Variants in PRKAA1 observed in about 807,000 individuals in gnomAD.
PRKAA1 encodes the protein protein kinase AMP-activated catalytic subunit alpha 1, also known as 5'-AMP-activated protein kinase catalytic subunit alpha-1.
PRKAA1 carries 23 observed loss-of-function variants against 56.9 expected under a neutral mutation model. That is an observed-to-expected ratio of 0.40 (90% CI 0.29 to 0.57). PRKAA1 has a LOEUF of 0.57. Ranked by LOEUF, PRKAA1 falls within the 20% of genes least tolerant of loss-of-function variation. The pLI is 0.39. For missense variants in PRKAA1, 413 were observed against 679.7 expected, an observed-to-expected ratio of 0.61 and a Z score of 4.36; for synonymous variants, 226 against 227.0, an observed-to-expected ratio of 1.00 and a Z score of 0.04.
intron 3 of PRKAA1, among the ~76,000 whole-genome samples, chr5:40,774,279 A>AG (rs1215660102): frequency 2.6e-5 from 4 of 152,258 alleles, no homozygotes; most frequent in Non-Finnish European, 5.9e-5. Flanking sequence ...CAGAAGGTAC[A>AG]GAACAAGACG....
rs1743334731 is a variant in PRKAA1 at position 40,764,575 on chromosome 5, C to G, written c.1374G>C (p.Met458Ile). 3.1e-6 allele frequency: 5 copies of G among 1,613,436 alleles called. No homozygotes were observed. The South Asian group carries it at 4.4e-5, about 14-fold the overall frequency. The change falls in exon 8 of 9, where the codon ATG becomes ATC. Residue 458 changes from methionine to isoleucine, a missense_variant. This residue lies in a region of PRKAA1 where 139 missense variants were observed against 171.5 expected (regional missense o/e 0.81). Coordinates refer to ENST00000397128, the MANE Select transcript of PRKAA1 (RefSeq NM_006251.6). Reference protein sequence around the residue: ...KNPVTSTYSKMSLQLYQVDSR... With the variant: ...KNPVTSTYSKISLQLYQVDSR... ...TATCCACTTGGTATAACTGTAGACT[C>G]ATTTTGGAGTAAGTGCTTGTCACAG...
At chr5:40,788,929 G>T (rs143016813) in intron 1 of PRKAA1, among the ~76,000 whole-genome samples, 369 of 152,172 alleles carry the variant, frequency 2.4e-3, no homozygotes, top group African/African-American at 8.6e-3. Context: ...GCTAATATCC[G>T]GCCAGGCATG....
intron 1 of PRKAA1, among the ~76,000 whole-genome samples, chr5:40,782,394 T>TC (rs1744298094): frequency 6.6e-6 from 1 of 152,190 alleles, no homozygotes; most frequent in Non-Finnish European, 1.5e-5. Context: ...TTAATGCTGC[T>TC]GGGGAAAACA....
intron 1 of PRKAA1, among the ~76,000 whole-genome samples, chr5:40,786,860 G>C (rs1163911311): frequency 6.7e-6 from 1 of 149,470 alleles, no homozygotes; most frequent in Non-Finnish European, 1.5e-5. Context: ...TTGGGAGGCT[G>C]AGTGGAAGGA....
chr5:40,787,234 A>C (rs773732978), intron 1 of PRKAA1, among the ~76,000 whole-genome samples: 4 of 152,034 alleles, frequency 2.6e-5, no homozygotes, highest in Non-Finnish European at 5.9e-5. Context: ...GGGAGGCCGA[A>C]GCGGGCATAT....
chr5:40,765,338 T>C, intron 6 of PRKAA1, 100 bp from the exon 7 acceptor site: 2 of 1,327,902 alleles, frequency 1.5e-6, no homozygotes, highest in Non-Finnish European at 2.0e-6. Flanking sequence ...TTTATATTTA[T>C]ATTCATACTG....
At chr5:40,795,532 A>G (rs150388014) in intron 1 of PRKAA1, among the ~76,000 whole-genome samples, 1 of 152,316 alleles carries the variant, frequency 6.6e-6, no homozygotes, top group East Asian at 1.9e-4. Context: ...GAATACAAGC[A>G]TAAGCCAACT....
intron 1 of PRKAA1, among the ~76,000 whole-genome samples, chr5:40,787,333 C>T (rs1005844670): frequency 2.0e-4 from 30 of 151,706 alleles, no homozygotes; most frequent in African/African-American, 7.0e-4. Flanking sequence ...GGCGTGGTGG[C>T]GCATGCCTGT....
At chr5:40,771,697 G>C in intron 4 of PRKAA1, 22 bp downstream of exon 4, 5 of 1,586,254 alleles carry the variant, frequency 3.2e-6, no homozygotes, top group Non-Finnish European at 4.3e-6. Flanking sequence ...TGAACGTTAA[G>C]AAACTATAAA....
At chr5:40,791,711 T>C (rs1232699818) in intron 1 of PRKAA1, among the ~76,000 whole-genome samples, 2 of 152,200 alleles carry the variant, frequency 1.3e-5, no homozygotes, top group Non-Finnish European at 2.9e-5. Flanking sequence ...TTAAAAGCTA[T>C]AGATCGTAAT....
intron 1 of PRKAA1, among the ~76,000 whole-genome samples, chr5:40,790,635 G>A (rs1485007234): frequency 6.6e-6 from 1 of 151,960 alleles, no homozygotes; most frequent in Non-Finnish European, 1.5e-5. Context: ...TGCCTCCGGG[G>A]TTCAAGCAAT....
At position 40,769,402 on chromosome 5, in the gene PRKAA1, GTA is replaced by G; in HGVS notation, c.596+12_596+13del. 1.3e-6 allele frequency: 2 copies of G among 1,571,254 alleles called. No individual in the cohort carries two copies. The highest frequency in any genetic ancestry group is 2.2e-5 in the South Asian group (2 of 88,906). Reference sequence around the variant, plus strand: ...TTTCAAATGTATTGAGGGAGGCAGGGTATCAAATACTACCTTCCTGAAATTAC... The same window carrying G: ...TTTCAAATGTATTGAGGGAGGCAGGGTCAAATACTACCTTCCTGAAATTAC... On this transcript the variant is annotated intron_variant, in intron 5 of 8. Coordinates refer to ENST00000397128, the MANE Select transcript of PRKAA1 (RefSeq NM_006251.6).
At chr5:40,786,042 G>A (rs528113521) in intron 1 of PRKAA1, among the ~76,000 whole-genome samples, 1 of 152,242 alleles carries the variant, frequency 6.6e-6, no homozygotes, top group South Asian at 2.1e-4. Flanking sequence ...ATCACCTGAG[G>A]TCAGGAGTTC....
intron 1 of PRKAA1, among the ~76,000 whole-genome samples, chr5:40,779,139 A>T (rs996127046): frequency 6.6e-6 from 1 of 152,144 alleles, no homozygotes; most frequent in Non-Finnish European, 1.5e-5. Context: ...GGGAAAAAAA[A>T]AATCAAGTCA....
intron 3 of PRKAA1, among the ~76,000 whole-genome samples, chr5:40,774,423 A>T (rs758615180): frequency 6.6e-6 from 1 of 152,178 alleles, no homozygotes; most frequent in Non-Finnish European, 1.5e-5. Context: ...ACGGGTGCTG[A>T]AATTTTAATA....
At chr5:40,765,355 T>C (rs1055429853) in intron 6 of PRKAA1, 117 bp from the exon 7 acceptor site, 2 of 1,223,602 alleles carry the variant, frequency 1.6e-6, no homozygotes, top group African/African-American at 3.1e-5. Context: ...ACTGTATTAT[T>C]GTCACTTTTT....
chr5:40,771,144 C>A (rs1358989406), intron 4 of PRKAA1, among the ~76,000 whole-genome samples: 1 of 152,156 alleles, frequency 6.6e-6, no homozygotes, highest in African/African-American at 2.4e-5. Context: ...TTCTCTTTCA[C>A]AAATAATACT....
rs1744373006 is a variant in PRKAA1 at position 40,784,095 on chromosome 5, G to A, written c.128-6509C>T. Among the ~76,000 whole-genome samples the A allele has an allele frequency of 2.0e-5, 3 of 152,156 alleles. No homozygotes were observed. The South Asian group carries it at 6.2e-4, about 32-fold the overall frequency. On this transcript the variant is annotated intron_variant, in intron 1 of 8. Coordinates refer to ENST00000397128, the MANE Select transcript of PRKAA1 (RefSeq NM_006251.6). ...CACTTTCCACAATGCCTGGCATATAGCAAGTGATTGATAAATAAATGGTAG... is the reference window on the plus strand; with the variant it reads ...CACTTTCCACAATGCCTGGCATATAACAAGTGATTGATAAATAAATGGTAG...
intron 1 of PRKAA1, among the ~76,000 whole-genome samples, chr5:40,782,709 T>C (rs1213177409): frequency 6.6e-6 from 1 of 152,048 alleles, no homozygotes; most frequent in Non-Finnish European, 1.5e-5. Context: ...GGAAATTTTA[T>C]AGAACACACA....
Sources: gnomAD v4.1 joint callset for allele counts (sites outside exome capture counted in the v4.1 genomes callset) on GRCh38, gnomAD v4.1.1 for gene constraint, gnomAD v4.1.1 regional missense constraint, MANE v1.5 for transcripts, NCBI Gene and HGNC (gene_info 2026-07-23, HGNC 2026-07-21) for gene names.